The following SHISA6 variants were observed in gnomAD, a reference collection of about 807,000 sequenced individuals.
The protein encoded by SHISA6 is shisa family member 6, also known as protein shisa-6.
SHISA6 carries 22 observed loss-of-function variants against 47.9 expected under a neutral mutation model. The ratio of observed to expected loss-of-function variants is 0.46; its 90% confidence interval spans 0.33 to 0.66. The LOEUF (loss-of-function observed/expected upper bound fraction) is 0.66. Ranked by LOEUF, SHISA6 falls within the 30% of genes least tolerant of loss-of-function variation. The pLI is 0.02. For missense variants in SHISA6, 680 were observed against 764.6 expected (o/e 0.89, Z 1.30); for synonymous variants, 388 against 337.8 (o/e 1.15, Z -1.63).
intron 2 of SHISA6, among the ~76,000 whole-genome samples, chr17:11,266,767 C>G (rs1908439923): frequency 6.6e-6 from 1 of 152,174 alleles, no homozygotes; most frequent in South Asian, 2.1e-4. Context: ...TGTCCTTAGA[C>G]CAGGCAGGGC....
chr17:11,375,373 T>C (rs1325104808), intron 2 of SHISA6, among the ~76,000 whole-genome samples: 1 of 152,136 alleles, frequency 6.6e-6, no homozygotes, highest in Non-Finnish European at 1.5e-5. Context: ...AGTGCCTTTC[T>C]CTCATTGGAC....
chr17:11,318,986 C>T (rs1910615073), intron 2 of SHISA6, among the ~76,000 whole-genome samples: 1 of 151,824 alleles, frequency 6.6e-6, no homozygotes, highest in Non-Finnish European at 1.5e-5. Flanking sequence ...CTAATTTGTA[C>T]TTCAACCTGG....
Position 11,294,281 on chromosome 17 carries a change from C to T in SHISA6, c.799+30755C>T, listed in dbSNP as rs181993721. On this transcript the variant is annotated intron_variant, in intron 2 of 5. Transcript: ENST00000441885. The stretch of plus-strand genomic sequence containing the variant: ...CCCAAAGGCTCCCATACAGTCTTCA[C>T]TCTTCCATACATTTCTCCAGCCTAG... Among the ~76,000 whole-genome samples the T allele has an allele frequency of 3.4e-3, 513 of 152,338 alleles. 5 individuals are homozygous for T. The highest frequency in any genetic ancestry group is 0.011 in the African/African-American group (478 of 41,576).
chr17:11,531,751 A>C (rs2071734928), intron 3 of SHISA6, among the ~76,000 whole-genome samples: 1 of 152,200 alleles, frequency 6.6e-6, no homozygotes, highest in African/African-American at 2.4e-5. Flanking sequence ...GGGAGGAATA[A>C]GCTTTAGTGA....
At chr17:11,481,227 C>T (rs1404412384) in intron 3 of SHISA6, among the ~76,000 whole-genome samples, 5 of 151,696 alleles carry the variant, frequency 3.3e-5, no homozygotes, top group African/African-American at 1.2e-4. Flanking sequence ...TGCAGTGAGC[C>T]AAGATCGCAC....
chr17:11,300,268 C>T (rs1052751943), intron 2 of SHISA6, among the ~76,000 whole-genome samples: 2 of 152,158 alleles, frequency 1.3e-5, no homozygotes, highest in African/African-American at 2.4e-5. Flanking sequence ...CCACAATACC[C>T]GAAGCATGAG....
At chr17:11,349,067 T>G (rs111640886) in intron 2 of SHISA6, among the ~76,000 whole-genome samples, 22 of 152,304 alleles carry the variant, frequency 1.4e-4, no homozygotes, top group African/African-American at 4.6e-4. Context: ...TTGTGTTTGG[T>G]CTGGGATCCT....
intron 3 of SHISA6, among the ~76,000 whole-genome samples, chr17:11,479,420 T>C (rs1233795591): frequency 6.6e-6 from 1 of 151,662 alleles, no homozygotes; most frequent in Non-Finnish European, 1.5e-5. Context: ...TGAGAACACA[T>C]AGACACAGGG....
At chr17:11,546,390 C>T (rs959484339) in intron 3 of SHISA6, among the ~76,000 whole-genome samples, 2 of 152,080 alleles carry the variant, frequency 1.3e-5, no homozygotes, top group Non-Finnish European at 2.9e-5. Flanking sequence ...GAAGAAAGGA[C>T]CATTCTATGA....
chr17:11,284,892 G>T (rs779966252), intron 2 of SHISA6, among the ~76,000 whole-genome samples: 6 of 152,120 alleles, frequency 3.9e-5, no homozygotes, highest in Non-Finnish European at 7.4e-5. Flanking sequence ...CCATTCCTCT[G>T]TCCACCTCTA....
At chr17:11,296,749 C>G (rs1348543679) in intron 2 of SHISA6, among the ~76,000 whole-genome samples, 1 of 151,952 alleles carries the variant, frequency 6.6e-6, no homozygotes, top group Non-Finnish European at 1.5e-5. Flanking sequence ...TACTGAGGGA[C>G]TCGAAAACTT....
chr17:11,339,302 A>G lies in SHISA6; in HGVS notation c.800-40112A>G, dbSNP rs542220574. Among the ~76,000 whole-genome samples, 218 of 152,176 alleles carry G rather than the reference A, an allele frequency of 1.4e-3. 1 individual carries two copies. Among genetic ancestry groups the G allele is most frequent in the Non-Finnish European group, 2.5e-3 (173 of 68,034 alleles). On this transcript the variant is annotated intron_variant, in intron 2 of 5. Transcript: ENST00000441885. ...TGAAATTAACAAATTAAAAATTAGT[A>G]TACACACCCTGGTCAAATTGTTTTC...
intron 3 of SHISA6, among the ~76,000 whole-genome samples, chr17:11,530,309 A>T (rs1446451238): frequency 6.6e-6 from 1 of 152,222 alleles, no homozygotes; most frequent in South Asian, 2.1e-4. Context: ...ATGTAGCTGA[A>T]TGCTAAGCTA....
chr17:11,241,941 G>A lies in SHISA6; in HGVS notation c.519G>A (p.Lys173=), dbSNP rs1567696832. ...ACAAGTACGACCCGGAGAAGGACAA[G>A]ACCAACTTCACCGTCTACATCACCT... is the stretch of plus-strand genomic sequence containing the variant. The part of the protein sequence containing the change: ...PENKYDPEKD[K]TNFTVYITCG... The change falls in exon 1 of 6, where the codon AAG becomes AAA. Residue 173 remains lysine (K), a synonymous_variant. Coordinates refer to ENST00000441885, the MANE Select transcript of SHISA6 (RefSeq NM_207386.4). The surrounding 1 kb of genome is among the most constrained non-coding windows in gnomAD (Gnocchi z 5.5). The A allele has an allele frequency of 6.4e-7, 1 of 1,550,984 alleles. No homozygotes were observed. The highest frequency in any genetic ancestry group is 8.7e-7 in the Non-Finnish European group (1 of 1,147,034).
chr17:11,413,705 C>G (rs1339822470), intron 3 of SHISA6, among the ~76,000 whole-genome samples: 1 of 152,144 alleles, frequency 6.6e-6, no homozygotes, highest in African/African-American at 2.4e-5. Flanking sequence ...CTGGCCAAGC[C>G]CAAGTGTTCC....
intron 2 of SHISA6, among the ~76,000 whole-genome samples, chr17:11,300,149 C>CAAAAAAAAAA (rs56060137): frequency 1.5e-5 from 2 of 129,146 alleles, no homozygotes; most frequent in Non-Finnish European, 3.2e-5. Context: ...CATCTTAAAA[C>CAAAAAAAAAA]AAAAAAAAAA....
chr17:11,241,664 TGGCGGC>T lies in SHISA6; in HGVS notation c.249_254del (p.Ala84_Ala85del). ...CGGCGGGGGCAGCCCGCGGCGGCTGTGGCGGCGGCGGCCAGCGCGGCCGTCACCTAC... is the reference window on the plus strand; with the variant it reads ...CGGCGGGGGCAGCCCGCGGCGGCTGTGGCGGCCAGCGCGGCCGTCACCTAC... On this transcript the variant is annotated inframe_deletion, in exon 1 of 6. Transcript: ENST00000441885. The surrounding 1 kb of genome is among the most constrained non-coding windows in gnomAD (Gnocchi z 5.5). 6.9e-7 allele frequency: 1 copy of T among 1,457,596 alleles called. No individual in the cohort carries two copies. 90.3% of individuals were successfully genotyped at this position (1,457,596 alleles called of 1,614,324 possible).
intron 1 of SHISA6, among the ~76,000 whole-genome samples, chr17:11,251,355 T>C (rs770229661): frequency 6.6e-6 from 1 of 151,818 alleles, no homozygotes; most frequent in Non-Finnish European, 1.5e-5. Context: ...TATATGATAT[T>C]GGCTGAGGAT....
chr17:11,282,074 C>T (rs913885432), intron 2 of SHISA6, among the ~76,000 whole-genome samples: 4 of 152,168 alleles, frequency 2.6e-5, no homozygotes, highest in Non-Finnish European at 5.9e-5. Context: ...GTGGCATAGG[C>T]CAAATTATCT....
Sources: allele counts gnomAD v4.1 joint callset (sites outside exome capture counted in the v4.1 genomes callset), GRCh38; gene constraint gnomAD v4.1.1; non-coding constraint Gnocchi (gnomAD v3.1); transcripts MANE v1.5; gene names NCBI Gene and HGNC (gene_info 2026-07-23, HGNC 2026-07-21).